EPHA3: variants seen among roughly 807,000 people sequenced by gnomAD.
The protein encoded by EPHA3 is ephrin type-A receptor 3.
EPHA3 carries 42 observed loss-of-function variants against 107.1 expected under a neutral mutation model. That is an observed-to-expected ratio of 0.39 (90% CI 0.31 to 0.51). The LOEUF is 0.51. Ranked by LOEUF, EPHA3 falls within the 20% of genes least tolerant of loss-of-function variation. The probability of loss-of-function intolerance (pLI) is 0.78; values close to 1 mark genes in which losing one functional copy is unlikely to be tolerated. For missense variants in EPHA3, 1,183 were observed against 1,211.2 expected (o/e 0.98, Z 0.35); for synonymous variants, 461 against 424.8 (o/e 1.09, Z -1.05).
At position 89,429,700 on chromosome 3, in the gene EPHA3, ATC is replaced by A. The variant is rs765561209; in HGVS notation, c.2136+535_2136+536del. Among the ~76,000 whole-genome samples, 448 of 54,498 alleles carry A rather than the reference ATC, an allele frequency of 8.2e-3. 2 individuals carry two copies. In the Middle Eastern group the frequency reaches 0.12, roughly 14 times the overall value. The allele number at this position is 54,498 out of a possible 152,430, so 35.8% of individuals were successfully genotyped here. ...AGCTTTATACGTTTATCTATCATCT[ATC>A]TATCTATCTATCTATCTATCTATCT... On this transcript the variant is annotated intron_variant, in intron 12 of 16. Transcript: ENST00000336596.
intron 3 of EPHA3, among the ~76,000 whole-genome samples, chr3:89,333,145 C>T (rs1378840190): frequency 6.6e-6 from 1 of 152,178 alleles, no homozygotes; most frequent in Non-Finnish European, 1.5e-5. Flanking sequence ...TATCTGGAAG[C>T]TCTTCCATAA....
chr3:89,238,882 A>G (rs1256944618), intron 3 of EPHA3, among the ~76,000 whole-genome samples: 1 of 152,206 alleles, frequency 6.6e-6, no homozygotes, highest in Non-Finnish European at 1.5e-5. Context: ...GGGGAAAGAA[A>G]GCTTTCTAAG....
chr3:89,144,094 C>T (rs1468516633), intron 2 of EPHA3, among the ~76,000 whole-genome samples: 1 of 151,688 alleles, frequency 6.6e-6, no homozygotes, highest in East Asian at 1.9e-4. Flanking sequence ...AACTTAAGTA[C>T]GTAGTCTGCA....
At chr3:89,286,406 G>A (rs148467332) in intron 3 of EPHA3, among the ~76,000 whole-genome samples, 1 of 151,996 alleles carries the variant, frequency 6.6e-6, no homozygotes, top group Non-Finnish European at 1.5e-5. Context: ...GTTTCCTCTG[G>A]CTCTGTGTTG....
intron 15 of EPHA3, among the ~76,000 whole-genome samples, chr3:89,466,432 C>T (rs1305883011): frequency 1.7e-5 from 2 of 120,526 alleles, no homozygotes; most frequent in East Asian, 2.1e-4. Flanking sequence ...CCCCCAGCCT[C>T]GTTGCCGCCT....
At chr3:89,441,056 C>G (rs1709773033) in intron 13 of EPHA3, among the ~76,000 whole-genome samples, 1 of 152,154 alleles carries the variant, frequency 6.6e-6, no homozygotes. Flanking sequence ...GTCCATGACC[C>G]TGTTTTTGAA....
intron 3 of EPHA3, among the ~76,000 whole-genome samples, chr3:89,320,364 T>C (rs1707015091): frequency 2.0e-5 from 3 of 151,938 alleles, no homozygotes. Context: ...GGTGTTTAAT[T>C]TTCAAGTTAC....
chr3:89,416,811 C>T (rs1210383449), intron 10 of EPHA3, among the ~76,000 whole-genome samples: 1 of 151,408 alleles, frequency 6.6e-6, no homozygotes, highest in Non-Finnish European at 1.5e-5. Flanking sequence ...AGGTGTCCCA[C>T]TTACAACAAA....
intron 3 of EPHA3, among the ~76,000 whole-genome samples, chr3:89,257,701 A>G (rs1246042792): frequency 9.9e-6 from 1 of 101,326 alleles, no homozygotes; most frequent in East Asian, 2.2e-4. Context: ...TGACAGTAGT[A>G]ATACAAATAT....
chr3:89,266,686 T>C (rs1705545821), intron 3 of EPHA3, among the ~76,000 whole-genome samples: 1 of 152,160 alleles, frequency 6.6e-6, no homozygotes, highest in Non-Finnish European at 1.5e-5. Context: ...CTTTATGCTG[T>C]ATATTTTTAT....
chr3:89,210,861 G>C (rs1368224273), intron 3 of EPHA3, among the ~76,000 whole-genome samples: 1 of 152,096 alleles, frequency 6.6e-6, no homozygotes, highest in Non-Finnish European at 1.5e-5. Flanking sequence ...AGAAAGTTGA[G>C]AAATCTTTAG....
chr3:89,370,744 A>C (rs1708284730), intron 5 of EPHA3, among the ~76,000 whole-genome samples: 1 of 151,834 alleles, frequency 6.6e-6, no homozygotes, highest in Non-Finnish European at 1.5e-5. Context: ...CAAACAACAA[A>C]GTAGAAATGA....
rs145333604 is a variant in EPHA3, at chr3:89,131,200, T to C, written c.153+3927T>C. ...ACACTCATATAATCTGGCATTATATTTGGTGACTTTAGCAAAGCAGACTGA... is the reference window on the plus strand; with the variant it reads ...ACACTCATATAATCTGGCATTATATCTGGTGACTTTAGCAAAGCAGACTGA... On this transcript the variant is annotated intron_variant, in intron 2 of 16. Coordinates refer to ENST00000336596, the MANE Select transcript of EPHA3 (RefSeq NM_005233.6). 8.3e-3 allele frequency among the ~76,000 whole-genome samples: 1,263 copies of C among 152,254 alleles called. 6 individuals carry two copies. The highest frequency in any genetic ancestry group is 0.013 in the Non-Finnish European group (900 of 68,014).
At chr3:89,197,110 A>G (rs1385884294) in intron 2 of EPHA3, among the ~76,000 whole-genome samples, 1 of 152,190 alleles carries the variant, frequency 6.6e-6, no homozygotes, top group Non-Finnish European at 1.5e-5. Flanking sequence ...ATCTAAGGAT[A>G]AAATCCAAAG....
intron 13 of EPHA3, among the ~76,000 whole-genome samples, chr3:89,442,380 C>A (rs1438766455): frequency 6.6e-6 from 1 of 152,038 alleles, no homozygotes; most frequent in African/African-American, 2.4e-5. Context: ...AATTTGTAGA[C>A]CTCATGTGGA....
chr3:89,241,334 A>C (rs1260697509), intron 3 of EPHA3, among the ~76,000 whole-genome samples: 1 of 152,166 alleles, frequency 6.6e-6, no homozygotes, highest in Non-Finnish European at 1.5e-5. Context: ...GTAGCTAAAT[A>C]TTAGGTATTT....
intron 15 of EPHA3, among the ~76,000 whole-genome samples, chr3:89,466,533 G>A (rs1028322110): frequency 7.5e-6 from 1 of 133,606 alleles, no homozygotes; most frequent in African/African-American, 2.9e-5. Flanking sequence ...TAGTCTTGTG[G>A]TGCGCCGTTT....
chr3:89,322,928 T>C (rs1347423138), intron 3 of EPHA3, among the ~76,000 whole-genome samples: 1 of 152,052 alleles, frequency 6.6e-6, no homozygotes, highest in Non-Finnish European at 1.5e-5. Context: ...GCTCATAAAG[T>C]AGGGTGTGGC....
At chr3:89,275,258 G>A (rs1284939305) in intron 3 of EPHA3, among the ~76,000 whole-genome samples, 2 of 152,028 alleles carry the variant, frequency 1.3e-5, no homozygotes, top group East Asian at 1.9e-4. Context: ...GGAGATTCAT[G>A]TTCTTCAGAA....
Sources: allele counts gnomAD v4.1 joint callset (sites outside exome capture counted in the v4.1 genomes callset), GRCh38; gene constraint gnomAD v4.1.1; transcripts MANE v1.5; gene names NCBI Gene and HGNC (gene_info 2026-07-23, HGNC 2026-07-21).